Variants in ANO10 observed in about 807,000 individuals in gnomAD.
ANO10 encodes anoctamin-10.
ANO10 carries 77 observed loss-of-function variants against 74.7 expected under a neutral mutation model. The observed-to-expected ratio is 1.03, with a 90% CI of 0.86 to 1.25. ANO10 has a LOEUF of 1.25. Among genes scored for constraint, ANO10 ranks in the 50% most tolerant of loss-of-function variants. The pLI is 0.00. For missense variants in ANO10, 721 were observed against 778.1 expected (o/e 0.93, Z 0.87); for synonymous variants, 279 against 284.9 (o/e 0.98, Z 0.21).
At chr3:43,590,573 T>G (rs924553635) in intron 4 of ANO10, among the ~76,000 whole-genome samples, 3 of 151,990 alleles carry the variant, frequency 2.0e-5, no homozygotes, top group South Asian at 4.2e-4. Flanking sequence ...AAACAGAGGA[T>G]AGGGGAACAA....
At chr3:43,651,999 T>C (rs1575579672) in intron 1 of ANO10, among the ~76,000 whole-genome samples, 1 of 152,076 alleles carries the variant, frequency 6.6e-6, no homozygotes, top group African/African-American at 2.4e-5. Flanking sequence ...TTAAAGAAGA[T>C]CTAAATTAAC....
intron 12 of ANO10, among the ~76,000 whole-genome samples, chr3:43,394,586 GACA>G (rs930332533): frequency 9.9e-5 from 15 of 152,218 alleles, no homozygotes; most frequent in African/African-American, 2.9e-4. Flanking sequence ...CAGTGAAAAC[GACA>G]ACAACAACGC....
chr3:43,639,486 T>A lies in ANO10; in HGVS notation c.-11-33623A>T, dbSNP rs548857386. Among the ~76,000 whole-genome samples, 22 of 152,292 alleles carry A rather than the reference T, an allele frequency of 1.4e-4. No homozygotes were observed. The South Asian group carries it at 4.6e-3, about 32-fold the overall frequency. ...TGATGAAAATACAGACAATTCTGGC[T>A]GGGTGCAGTGGCTCACGCCTGTAAT... On this transcript the variant is annotated intron_variant, in intron 1 of 3. Coordinates refer to the ANO10 transcript ENST00000413397.
chr3:43,418,148 G>A (rs971077699), intron 12 of ANO10, among the ~76,000 whole-genome samples: 2 of 152,110 alleles, frequency 1.3e-5, no homozygotes, highest in East Asian at 3.9e-4. Flanking sequence ...GTGGTGGCAG[G>A]TGCCTGTAAT....
At chr3:43,383,018 A>C (rs1441925613) in intron 12 of ANO10, among the ~76,000 whole-genome samples, 1 of 152,234 alleles carries the variant, frequency 6.6e-6, no homozygotes, top group African/African-American at 2.4e-5. Flanking sequence ...TCCCTAAATC[A>C]TTCTATGAAG....
intron 1 of ANO10, among the ~76,000 whole-genome samples, chr3:43,646,218 A>C: frequency 6.6e-6 from 1 of 152,092 alleles, no homozygotes; most frequent in East Asian, 1.9e-4. Flanking sequence ...TTAGTATGTA[A>C]ATTTTAGTTG....
chr3:43,547,895 CTG>C (rs551550576), intron 11 of ANO10, among the ~76,000 whole-genome samples: 95 of 152,304 alleles, frequency 6.2e-4, no homozygotes, highest in African/African-American at 2.2e-3. Flanking sequence ...AAGATGTAGA[CTG>C]TAATGAGCTC....
At chr3:43,561,127 T>A in intron 9 of ANO10, 93 bp downstream of exon 9, 1 of 1,408,906 alleles carries the variant, frequency 7.1e-7, no homozygotes, top group South Asian at 1.2e-5. Context: ...AATAGTCACA[T>A]CTGAGATCAT....
At chr3:43,628,238 A>G (rs1404597606) in intron 1 of ANO10, among the ~76,000 whole-genome samples, 1 of 152,200 alleles carries the variant, frequency 6.6e-6, no homozygotes, top group Admixed American at 6.5e-5. Flanking sequence ...GATTGTGAAG[A>G]TTTCATGGAC....
At chr3:43,414,854 G>A (rs562099612) in intron 12 of ANO10, among the ~76,000 whole-genome samples, 2 of 151,692 alleles carry the variant, frequency 1.3e-5, no homozygotes, top group Admixed American at 1.3e-4. Flanking sequence ...ATACCCATGT[G>A]CTCTGTTCAT....
intron 11 of ANO10, among the ~76,000 whole-genome samples, chr3:43,462,526 C>T (rs1481995348): frequency 6.6e-6 from 1 of 152,194 alleles, no homozygotes; most frequent in Admixed American, 6.5e-5. Context: ...ACCACCATAC[C>T]AGGCCTAGCA....
intron 1 of ANO10, among the ~76,000 whole-genome samples, chr3:43,673,733 T>C (rs1365610032): frequency 2.0e-5 from 3 of 152,152 alleles, no homozygotes; most frequent in East Asian, 1.9e-4. Flanking sequence ...TTGTATTAAA[T>C]GAAATAGAAG....
chr3:43,498,531 G>A (rs2076991399), intron 11 of ANO10, among the ~76,000 whole-genome samples: 1 of 152,154 alleles, frequency 6.6e-6, no homozygotes, highest in Non-Finnish European at 1.5e-5. Flanking sequence ...GCATATGGAG[G>A]GAAGAGTAGG....
intron 12 of ANO10, among the ~76,000 whole-genome samples, chr3:43,375,638 G>A (rs114623053): frequency 0.028 from 4,276 of 152,208 alleles, 76 homozygotes; most frequent in African/African-American, 0.045. Context: ...AAATGATTTA[G>A]ACCAGGTCTC....
At chr3:43,636,923 G>C (rs111702169) in intron 1 of ANO10, among the ~76,000 whole-genome samples, 2 of 152,184 alleles carry the variant, frequency 1.3e-5, no homozygotes, top group African/African-American at 4.8e-5. Context: ...CAGCACTTTG[G>C]GAGGCCAAGG....
chr3:43,645,483 G>A (rs367873910), intron 1 of ANO10, among the ~76,000 whole-genome samples: 46 of 140,080 alleles, frequency 3.3e-4, no homozygotes, highest in East Asian at 1.3e-3. Context: ...GTGAGACTCC[G>A]TCTCAAAAAA....
At chr3:43,497,776 T>C (rs1003682523) in intron 11 of ANO10, among the ~76,000 whole-genome samples, 8 of 152,340 alleles carry the variant, frequency 5.3e-5, no homozygotes, top group Middle Eastern at 3.4e-3. Context: ...CTGTGATATA[T>C]ATTTACATAT....
At chr3:43,461,371 C>G (rs2075370249) in intron 11 of ANO10, among the ~76,000 whole-genome samples, 1 of 152,132 alleles carries the variant, frequency 6.6e-6, no homozygotes, top group Non-Finnish European at 1.5e-5. Context: ...GAATTCATAA[C>G]AGAAAATCTT....
Position 43,366,870 on chromosome 3 carries a change from G to T in ANO10, c.*36C>A, listed in dbSNP as rs751112898. On this transcript the variant is annotated 3_prime_UTR_variant, in exon 13 of 13. Transcript: ENST00000292246. Reference sequence around the variant, plus strand: ...CGTGGCAGGTGTGGCACAGACACAGGCCTCTGCCAACAGGGCAGCTGGGCA... The same window carrying T: ...CGTGGCAGGTGTGGCACAGACACAGTCCTCTGCCAACAGGGCAGCTGGGCA... 2.6e-6 allele frequency: 4 copies of T among 1,554,742 alleles called. No individual in the cohort carries two copies. Among genetic ancestry groups the T allele is most frequent in the Non-Finnish European group, 3.5e-6 (4 of 1,147,134 alleles).
Sources: gnomAD v4.1 joint callset for allele counts (sites outside exome capture counted in the v4.1 genomes callset) on GRCh38, gnomAD v4.1.1 for gene constraint, MANE v1.5 for transcripts, NCBI Gene and HGNC (gene_info 2026-07-23, HGNC 2026-07-21) for gene names.